SMG6: variants seen among roughly 807,000 people sequenced by gnomAD.
The protein encoded by SMG6 is telomerase-binding protein EST1A.
SMG6 carries 66 observed loss-of-function variants against 142.2 expected under a neutral mutation model. The ratio of observed to expected loss-of-function variants is 0.46; its 90% CI spans 0.38 to 0.57. The LOEUF is 0.57. SMG6 is among the 20% of genes least tolerant of loss of function. The pLI is 0.00. For synonymous variants in SMG6, 779 were observed against 702.4 expected, an observed-to-expected ratio of 1.11 and a Z score of -1.72; for missense variants, 1,793 against 1,832.0, an observed-to-expected ratio of 0.98 and a Z score of 0.39.
chr17:2,065,476 C>T lies in SMG6; in HGVS notation c.4039G>A (p.Gly1347Ser). Residue 1347 changes from glycine (G) to serine (S), a missense_variant, in exon 17 of 19, where the codon GGC becomes AGC. Physicochemically the swap from Gly to Ser is moderately conservative, Grantham distance 56. Transcript: ENST00000263073. ...CTGCCACAGGGTCTCACCAGCTGGCCAGTGATGTCCTCACTGCGGAAGGCG... is the reference window on the plus strand; with the variant it reads ...CTGCCACAGGGTCTCACCAGCTGGCTAGTGATGTCCTCACTGCGGAAGGCG... ...SIAFRSEDIT[G>S]QLGNNDDLIL... is the part of the protein sequence containing the mutation. 2 of 1,612,324 alleles carry T rather than the reference C, an allele frequency of 1.2e-6. No individual in the cohort carries two copies.
At chr17:2,301,557 TCTCGGCCGGGC>T (rs140645345) in intron 1 of SMG6, among the ~76,000 whole-genome samples, 1,538 of 152,252 alleles carry the variant, frequency 0.01, 30 homozygotes, top group African/African-American at 0.034. Context: ...TAGAAACCAC[TCTCGGCCGGGC>T]GCGGTGGGTC....
intron 10 of SMG6, among the ~76,000 whole-genome samples, chr17:2,207,378 A>G (rs895346080): frequency 6.6e-6 from 1 of 152,186 alleles, no homozygotes; most frequent in Non-Finnish European, 1.5e-5. Flanking sequence ...CTTTAAATAG[A>G]GGGATACCTG....
At chr17:2,190,617 G>T (rs2072129869) in intron 10 of SMG6, among the ~76,000 whole-genome samples, 1 of 152,202 alleles carries the variant, frequency 6.6e-6, no homozygotes, top group African/African-American at 2.4e-5. Flanking sequence ...TGGACTCCAG[G>T]TTGGCTCCTT....
chr17:2,109,887 T>G lies in SMG6; in HGVS notation c.3358-23986A>C, dbSNP rs149356565. Reference sequence around the variant, plus strand: ...TGGGTGGATCACCTGAGCTCAGGAGTTCAAGACCAACATGGCAAAACTCTG... The same window carrying G: ...TGGGTGGATCACCTGAGCTCAGGAGGTCAAGACCAACATGGCAAAACTCTG... On this transcript the variant is annotated intron_variant, in intron 13 of 18. Coordinates refer to ENST00000263073, the MANE Select transcript of SMG6 (RefSeq NM_017575.5). Among the ~76,000 whole-genome samples, 744 of 150,462 alleles carry G rather than the reference T, an allele frequency of 4.9e-3. 4 individuals carry two copies. The highest frequency in any genetic ancestry group is 0.02 in the South Asian group (96 of 4,742).
At chr17:2,179,633 C>T (rs903508679) in intron 12 of SMG6, among the ~76,000 whole-genome samples, 3 of 152,058 alleles carry the variant, frequency 2.0e-5, no homozygotes, top group East Asian at 1.9e-4. Flanking sequence ...TAAATGCATC[C>T]GAGCTACAAT....
At chr17:2,074,949 C>G (rs1473570188) in intron 15 of SMG6, among the ~76,000 whole-genome samples, 6 of 152,200 alleles carry the variant, frequency 3.9e-5, no homozygotes, top group African/African-American at 1.4e-4. Context: ...GGAAGCCAGG[C>G]CCCCAGTGGA....
At chr17:2,075,983 G>A (rs891735662) in intron 15 of SMG6, among the ~76,000 whole-genome samples, 5 of 152,152 alleles carry the variant, frequency 3.3e-5, no homozygotes, top group Admixed American at 6.5e-5. Context: ...GGGACAGGCT[G>A]CAGAGGGAGA....
intron 8 of SMG6, among the ~76,000 whole-genome samples, chr17:2,258,312 T>C (rs2074238138): frequency 6.6e-6 from 1 of 151,984 alleles, no homozygotes; most frequent in African/African-American, 2.4e-5. Context: ...TCCCAGCACT[T>C]TGGGAGGCTG....
chr17:2,292,763 G>C (rs1382898994), intron 5 of SMG6, 108 bp downstream of exon 5: 33 of 1,368,530 alleles, frequency 2.4e-5, no homozygotes, highest in Middle Eastern at 1.8e-4. Context: ...CATGACTACA[G>C]GGACCAATAG....
intron 13 of SMG6, chr17:2,087,264 C>A (rs936984109): frequency 1.6e-6 from 2 of 1,283,890 alleles, no homozygotes; most frequent in South Asian, 2.5e-5. Context: ...CTGGGTACCA[C>A]AGAGAGCAGA....
intron 10 of SMG6, among the ~76,000 whole-genome samples, chr17:2,196,610 G>A (rs2072336098): frequency 6.6e-6 from 1 of 152,128 alleles, no homozygotes. Flanking sequence ...CAAAATCTCA[G>A]GAACGTTTCA....
At chr17:2,087,720 C>A (rs2068603515) in intron 13 of SMG6, 13 of 987,088 alleles carry the variant, frequency 1.3e-5, no homozygotes, top group Non-Finnish European at 1.6e-5. Flanking sequence ...AATACAGAAG[C>A]AGGGGCTAAA....
chr17:2,236,601 G>A lies in SMG6; in HGVS notation c.2760C>T (p.Leu920=), dbSNP rs780916258. The part of the protein sequence containing the change: ...ETFPAVAEKV[L]KEFQVLLQHS... ...GCTGCAGTAACACCTGGAACTCCTT[G>A]AGGACCTTCTCAGCCACTGCAGGGA... The change falls in exon 10 of 19, where the codon CTC becomes CTT. Residue 920 remains leucine, a synonymous_variant. Transcript: ENST00000263073. 2.5e-6 allele frequency: 4 copies of A among 1,613,440 alleles called. No individual in the cohort carries two copies. Among genetic ancestry groups the A allele is most frequent in the Non-Finnish European group, 3.4e-6 (4 of 1,179,782 alleles).
At chr17:2,163,137 T>C (rs1037685927) in intron 13 of SMG6, among the ~76,000 whole-genome samples, 1 of 152,154 alleles carries the variant, frequency 6.6e-6, no homozygotes, top group African/African-American at 2.4e-5. Flanking sequence ...TGGCTGCTAA[T>C]CTTAATTTGT....
At chr17:2,272,626 C>T (rs182539524) in intron 8 of SMG6, among the ~76,000 whole-genome samples, 26 of 152,262 alleles carry the variant, frequency 1.7e-4, no homozygotes, top group Admixed American at 6.5e-4. Flanking sequence ...TCTCTGCCTT[C>T]GTATTTCAGG....
intron 12 of SMG6, among the ~76,000 whole-genome samples, chr17:2,177,991 C>T (rs562945601): frequency 6.4e-4 from 98 of 152,314 alleles, no homozygotes; most frequent in Non-Finnish European, 1.3e-3. Context: ...GAGAGCTTCT[C>T]ACTCCACTGG....
In SMG6 at chr17:2,121,587, CTG is replaced by C. The variant is rs71150850; in HGVS notation, c.3358-35688_3358-35687del. The stretch of plus-strand genomic sequence containing the variant: ...TATATGTATATATGTACATGTCTGT[CTG>C]TGTGTGTGTGTGTGTGTGTGTGTGT... On this transcript the variant is annotated intron_variant, in intron 13 of 18. Coordinates refer to ENST00000263073, the MANE Select transcript of SMG6 (RefSeq NM_017575.5). 8.1e-3 allele frequency among the ~76,000 whole-genome samples: 1,126 copies of C among 139,678 alleles called. 12 individuals carry two copies. The highest frequency in any genetic ancestry group is 0.018 in the South Asian group (76 of 4,122). The allele number at this position is 139,678 out of a possible 152,430, so 91.6% of individuals were successfully genotyped here.
chr17:2,256,649 C>T (rs1205282702), intron 8 of SMG6, among the ~76,000 whole-genome samples: 1 of 152,124 alleles, frequency 6.6e-6, no homozygotes, highest in Non-Finnish European at 1.5e-5. Context: ...GTGGCGCACA[C>T]CTGTAGTTCT....
intron 6 of SMG6, among the ~76,000 whole-genome samples, chr17:2,287,376 T>C (rs1247792714): frequency 6.6e-6 from 1 of 152,196 alleles, no homozygotes; most frequent in African/African-American, 2.4e-5. Context: ...CGATGGCTAC[T>C]ATCAGAAATG....
Sources: gnomAD v4.1 joint callset for allele counts (sites outside exome capture counted in the v4.1 genomes callset) on GRCh38, gnomAD v4.1.1 for gene constraint, MANE v1.5 for transcripts, NCBI Gene and HGNC (gene_info 2026-07-23, HGNC 2026-07-21) for gene names.